UXS1: variants seen among roughly 807,000 people sequenced by gnomAD.
UXS1 encodes the protein UDP-glucuronate decarboxylase 1.
Under a neutral mutation model 62.6 loss-of-function variants are expected in UXS1, and 33 were observed. That is an observed-to-expected ratio of 0.53 (90% CI 0.40 to 0.70). The LOEUF is 0.70. Among genes scored for constraint, UXS1 ranks in the 30% least tolerant of loss-of-function variants. UXS1 has a pLI of 0.00. For missense variants in UXS1, 434 were observed against 556.3 expected, an observed-to-expected ratio of 0.78 and a Z score of 2.21; for synonymous variants, 213 against 206.8, an observed-to-expected ratio of 1.03 and a Z score of -0.26.
intron 7 of UXS1, among the ~76,000 whole-genome samples, chr2:106,127,510 A>T (rs1472660376): frequency 1.3e-5 from 2 of 152,228 alleles, no homozygotes; most frequent in Non-Finnish European, 2.9e-5. Flanking sequence ...CTCACGCAGG[A>T]TCTACAGAGA....
At chr2:106,136,466 T>C (rs1197042497) in intron 6 of UXS1, among the ~76,000 whole-genome samples, 15 of 74,638 alleles carry the variant, frequency 2.0e-4, no homozygotes, top group Non-Finnish European at 7.5e-5. Context: ...TGCACACGTA[T>C]GTTTATTGCG....
At chr2:106,188,731 C>A (rs1288231995) in intron 1 of UXS1, among the ~76,000 whole-genome samples, 2 of 152,216 alleles carry the variant, frequency 1.3e-5, no homozygotes, top group Non-Finnish European at 2.9e-5. Flanking sequence ...GTTCAGCTCA[C>A]AGAAGGCAGT....
chr2:106,097,059 C>A, intron 13 of UXS1: 1 of 638,752 alleles, frequency 1.6e-6, no homozygotes, highest in Non-Finnish European at 2.9e-6. Context: ...AGCAAGAGCT[C>A]GGTGGGGGGC....
chr2:106,125,609 C>G lies in UXS1; in HGVS notation c.637+11G>C. 6.4e-7 allele frequency: 1 copy of G among 1,563,070 alleles called. No individual in the cohort carries two copies. Among genetic ancestry groups the G allele is most frequent in the East Asian group, 2.4e-5 (1 of 41,878 alleles). On this transcript the variant is annotated intron_variant, in intron 8 of 14. Transcript: ENST00000283148. Reference sequence around the variant, plus strand: ...TGGAGTGAACATCTCCTGAGAGAGCCTCCTACTCACCTCCATACACCTCCG... The same window carrying G: ...TGGAGTGAACATCTCCTGAGAGAGCGTCCTACTCACCTCCATACACCTCCG...
At chr2:106,188,046 C>T (rs895212626) in intron 1 of UXS1, among the ~76,000 whole-genome samples, 2 of 152,210 alleles carry the variant, frequency 1.3e-5, no homozygotes, top group Non-Finnish European at 2.9e-5. Context: ...CCAGCCTTAA[C>T]TCTAACTTTC....
Position 106,194,258 on chromosome 2 carries a change from G to T in UXS1, c.-17C>A. The T allele has an allele frequency of 2.2e-6, 3 of 1,376,364 alleles. No homozygotes were observed. Among genetic ancestry groups the T allele is most frequent in the Non-Finnish European group, 2.8e-6 (3 of 1,053,588 alleles). The allele number at this position is 1,376,364 out of a possible 1,614,324, so 85.3% of individuals were successfully genotyped here. On this transcript the variant is annotated 5_prime_UTR_variant, in exon 1 of 15. Coordinates refer to ENST00000283148, the MANE Select transcript of UXS1 (RefSeq NM_001253875.2). ...GCTCACCATCCCCGGGAGCCGCGCG[G>T]GTCCAGGGCCCTACCGCGCGGGGGC...
intron 10 of UXS1, among the ~76,000 whole-genome samples, chr2:106,105,583 AG>A (rs1677987906): frequency 6.6e-6 from 1 of 152,168 alleles, no homozygotes; most frequent in Admixed American, 6.5e-5. Context: ...CTCATTGCCC[AG>A]GGAAAGCCCT....
intron 9 of UXS1, 133 bp downstream of exon 9, chr2:106,122,837 T>G: frequency 2.5e-6 from 3 of 1,187,396 alleles, no homozygotes; most frequent in Non-Finnish European, 3.5e-6. Context: ...TTTATAATAC[T>G]GGGAAACTGA....
In UXS1 at chr2:106,130,644, G is replaced by T. The variant is rs142814749; in HGVS notation, c.473-866C>A. Among the ~76,000 whole-genome samples, 196 of 152,292 alleles carry T rather than the reference G, an allele frequency of 1.3e-3. No individual in the cohort carries two copies. In the Middle Eastern group the frequency reaches 0.037, roughly 29 times the overall value. ...AATACTTGCAGGGGCCCCTCTGCCC[G>T]GGCCTTCCGGGCTCCCCTGACCAGG... On this transcript the variant is annotated intron_variant, in intron 6 of 14. Transcript: ENST00000283148.
At chr2:106,153,302 G>A (rs1277905581) in intron 5 of UXS1, among the ~76,000 whole-genome samples, 6 of 152,170 alleles carry the variant, frequency 3.9e-5, no homozygotes, top group Non-Finnish European at 5.9e-5. Flanking sequence ...GAAAAATAAA[G>A]CAATTAGCTA....
At chr2:106,128,248 T>C (rs939414589) in intron 7 of UXS1, among the ~76,000 whole-genome samples, 2 of 152,182 alleles carry the variant, frequency 1.3e-5, no homozygotes, top group African/African-American at 4.8e-5. Context: ...AGCAGCACCC[T>C]GTTCTGTCTG....
At chr2:106,182,510 A>G (rs894667774) in intron 1 of UXS1, among the ~76,000 whole-genome samples, 27 of 152,200 alleles carry the variant, frequency 1.8e-4, no homozygotes, top group African/African-American at 6.5e-4. Context: ...GGAGCTTAAA[A>G]AATTTTAATA....
In UXS1 at chr2:106,194,185, C is replaced by A; in HGVS notation, c.57G>T (p.Lys19Asn). 6.7e-7 allele frequency: 1 copy of A among 1,482,194 alleles called. No individual in the cohort carries two copies. The highest frequency in any genetic ancestry group is 9.0e-7 in the Non-Finnish European group (1 of 1,114,640). The allele number at this position is 1,482,194 out of a possible 1,614,324, so 91.8% of individuals were successfully genotyped here. Reference sequence around the variant, plus strand: ...CCAGCAAGGCGATGCCCAGCAGCAGCTTCATCCTCCTGCGGTTGACGGCAG... The same window carrying A: ...CCAGCAAGGCGATGCCCAGCAGCAGATTCATCCTCCTGCGGTTGACGGCAG... Reference protein sequence around the residue: ...LVSAVNRRRMKLLLGIALLAY... With the variant: ...LVSAVNRRRMNLLLGIALLAY... Residue 19 changes from lysine (K) to asparagine (N), a missense_variant, in exon 1 of 15, where the codon AAG becomes AAT. By Grantham distance (94) the Lys-to-Asn change is moderately conservative (BLOSUM62 0). Around this residue, in one of 3 missense-constraint regions of UXS1, gnomAD observed 91 missense variants for 71.1 expected, o/e 1.28. Coordinates refer to ENST00000283148, the MANE Select transcript of UXS1 (RefSeq NM_001253875.2).
intron 1 of UXS1, among the ~76,000 whole-genome samples, chr2:106,178,489 T>A (rs572588923): frequency 6.6e-6 from 1 of 150,428 alleles, no homozygotes; most frequent in Non-Finnish European, 1.5e-5. Context: ...TGTATATATA[T>A]ATAAGTATGT....
rs368200151 is a variant in UXS1, at chr2:106,144,533, A to G, written c.472+657T>C. ...TATTACAAAGAACTCATACTAAAAG[A>G]ATATTTTTAAAATGGACTAACAAAA... is the stretch of plus-strand genomic sequence containing the variant. On this transcript the variant is annotated intron_variant, in intron 6 of 14. Transcript: ENST00000283148. Among the ~76,000 whole-genome samples, 4 of 152,396 alleles carry G rather than the reference A, an allele frequency of 2.6e-5. 1 individual carries two copies. Among genetic ancestry groups the G allele is most frequent in the Middle Eastern group, 3.4e-3 (1 of 294 alleles).
At chr2:106,121,484 C>T (rs369393491) in intron 9 of UXS1, among the ~76,000 whole-genome samples, 1 of 152,186 alleles carries the variant, frequency 6.6e-6, no homozygotes, top group East Asian at 1.9e-4. Flanking sequence ...ACTCCTGGAA[C>T]ACATTCTAGA....
At chr2:106,179,800 T>G (rs185418835) in intron 1 of UXS1, among the ~76,000 whole-genome samples, 1 of 152,278 alleles carries the variant, frequency 6.6e-6, no homozygotes, top group African/African-American at 2.4e-5. Context: ...ATGAGGTAGA[T>G]CTCTGTGTTG....
chr2:106,158,129 TAA>T lies in UXS1; in HGVS notation c.231-13_231-12del, dbSNP rs1682593557. On this transcript the variant is annotated splice_polypyrimidine_tract_variant and intron_variant, in intron 4 of 14. Coordinates refer to ENST00000283148, the MANE Select transcript of UXS1 (RefSeq NM_001253875.2). ...TATTTCTGGGTAAAGCTGTATAATA[TAA>T]AGAGATTCAAAAGGAAAAAGTCAAA... 1 of 1,551,890 alleles carries T rather than the reference TAA, an allele frequency of 6.4e-7. No homozygotes were observed. Among genetic ancestry groups the T allele is most frequent in the South Asian group, 1.2e-5 (1 of 83,674 alleles).
chr2:106,096,814 T>G lies in UXS1; in HGVS notation c.1050A>C (p.Gly350=). The G allele has an allele frequency of 6.3e-7, 1 of 1,584,736 alleles. No individual in the cohort carries two copies. Among genetic ancestry groups the G allele is most frequent in the Non-Finnish European group, 8.6e-7 (1 of 1,163,746 alleles). Residue 350 remains glycine (G), a synonymous_variant, in exon 14 of 15, where the codon GGA becomes GGC. Transcript: ENST00000283148. The part of the protein sequence containing the change: ...AQLIKNLVGS[G]SEIQFLSEAQ... ...CTTCGGAGAGAAACTGAATTTCACT[T>G]CCGCTACCTGAGATGTTTAAAGAAA...
Sources: gnomAD v4.1 joint callset for allele counts (sites outside exome capture counted in the v4.1 genomes callset) on GRCh38, gnomAD v4.1.1 for gene constraint, gnomAD v4.1.1 regional missense constraint, MANE v1.5 for transcripts, NCBI Gene and HGNC (gene_info 2026-07-23, HGNC 2026-07-21) for gene names.